Variants in ARID1B observed in about 807,000 individuals in gnomAD.
ARID1B encodes the protein AT-rich interactive domain-containing protein 1B.
ARID1B carries 30 observed loss-of-function variants against 212.3 expected under a neutral mutation model. The ratio of observed to expected loss-of-function variants is 0.14; its 90% confidence interval spans 0.11 to 0.19. The LOEUF (loss-of-function observed/expected upper bound fraction) is 0.19, where lower values mean the gene tolerates loss of function less well. Ranked by LOEUF, ARID1B falls within the 10% of genes least tolerant of loss-of-function variation. The pLI, the probability that ARID1B is intolerant of heterozygous loss-of-function variation, is 1.00. For synonymous variants in ARID1B, 1,402 were observed against 1,301.7 expected (o/e 1.08, Z -1.66); for missense variants, 2,891 against 3,204.0 (o/e 0.90, Z 2.36).
At chr6:156,837,061 T>G (rs1261975328) in intron 2 of ARID1B, among the ~76,000 whole-genome samples, 1 of 152,244 alleles carries the variant, frequency 6.6e-6, no homozygotes, top group East Asian at 1.9e-4. Context: ...TGACCCACAT[T>G]CTTTTTAAAA....
chr6:156,915,549 C>CA (rs1253639473), intron 3 of ARID1B, among the ~76,000 whole-genome samples: 1 of 148,992 alleles, frequency 6.7e-6, no homozygotes, highest in Non-Finnish European at 1.5e-5. Context: ...GCCTCGGTGA[C>CA]AGAGCAAGAC....
chr6:156,941,856 A>G (rs1792698435), intron 4 of ARID1B: 1 of 152,222 alleles, frequency 6.6e-6, no homozygotes, highest in Non-Finnish European at 1.5e-5. Context: ...AAAGAACTAT[A>G]GTTTGCTTTT....
At chr6:157,003,053 G>C (rs73578084) in intron 4 of ARID1B, among the ~76,000 whole-genome samples, 1 of 152,166 alleles carries the variant, frequency 6.6e-6, no homozygotes. Flanking sequence ...GTGGGAGGCC[G>C]GGAGGATGGT....
chr6:156,935,598 T>C, intron 4 of ARID1B, 22 bp downstream of exon 4: 1 of 1,572,598 alleles, frequency 6.4e-7, no homozygotes, highest in African/African-American at 1.4e-5. Flanking sequence ...TTGTGCTGAT[T>C]TGGAAATGTA....
chr6:157,178,446 C>A (rs148342183), intron 11 of ARID1B, among the ~76,000 whole-genome samples: 1 of 152,114 alleles, frequency 6.6e-6, no homozygotes, highest in Non-Finnish European at 1.5e-5. Flanking sequence ...TGACGTCGTG[C>A]TGCAAAGGAA....
intron 1 of ARID1B, among the ~76,000 whole-genome samples, chr6:156,820,919 C>T (rs184879049): frequency 4.6e-5 from 7 of 152,296 alleles, no homozygotes; most frequent in South Asian, 2.1e-4. Context: ...GCTTCCAGAA[C>T]GCTGATGCTT....
At chr6:157,022,078 G>T (rs1271466429) in intron 4 of ARID1B, among the ~76,000 whole-genome samples, 1 of 152,180 alleles carries the variant, frequency 6.6e-6, no homozygotes, top group African/African-American at 2.4e-5. Flanking sequence ...GGAAAAGCCA[G>T]GAACTACAGA....
At chr6:156,818,009 T>A (rs1314557176) in intron 1 of ARID1B, among the ~76,000 whole-genome samples, 2 of 152,078 alleles carry the variant, frequency 1.3e-5, no homozygotes, top group African/African-American at 4.8e-5. Context: ...TCTAATTTTG[T>A]CTGTTGTCCT....
intron 2 of ARID1B, among the ~76,000 whole-genome samples, chr6:156,866,568 G>T (rs1395396101): frequency 6.6e-6 from 1 of 152,112 alleles, no homozygotes; most frequent in East Asian, 1.9e-4. Context: ...AAAGCAAACA[G>T]TACTGCCATT....
At chr6:157,204,999 G>A (rs1327867787) in intron 19 of ARID1B, 1 of 152,162 alleles carries the variant, frequency 6.6e-6, no homozygotes, top group East Asian at 1.9e-4. Context: ...TACGAGTTCT[G>A]TGTTAACAGA....
chr6:156,833,601 C>G (rs1368448989), intron 2 of ARID1B, among the ~76,000 whole-genome samples: 1 of 151,988 alleles, frequency 6.6e-6, no homozygotes, highest in Non-Finnish European at 1.5e-5. Context: ...GAAAACATGA[C>G]TTTTTTAGTT....
chr6:156,934,757 A>G (rs987347820), intron 3 of ARID1B, among the ~76,000 whole-genome samples: 1 of 151,600 alleles, frequency 6.6e-6, no homozygotes, highest in Non-Finnish European at 1.5e-5. Context: ...TCAACAATCC[A>G]GGGAGCTTTT....
intron 4 of ARID1B, among the ~76,000 whole-genome samples, chr6:157,009,469 A>T (rs549776819): frequency 6.6e-6 from 1 of 152,334 alleles, no homozygotes; most frequent in South Asian, 2.1e-4. Flanking sequence ...TGGAAAGTAC[A>T]TTTCTCTTAG....
chr6:156,993,633 G>A lies in ARID1B; in HGVS notation c.2247+58057G>A, dbSNP rs549003286. Among the ~76,000 whole-genome samples, 47 of 152,202 alleles carry A rather than the reference G, an allele frequency of 3.1e-4. No individual in the cohort carries two copies. The South Asian group carries it at 9.7e-3, about 32-fold the overall frequency. The stretch of plus-strand genomic sequence containing the variant: ...CTGGCCATTGAAGTTATATACCTAA[G>A]GATAGTGCCAAACAACAATCCCAAC... On this transcript the variant is annotated intron_variant, in intron 4 of 19. Coordinates refer to ENST00000636930, the MANE Select transcript of ARID1B (RefSeq NM_001374828.1).
At chr6:157,204,091 A>G (rs1307903100) in intron 19 of ARID1B, 95 bp downstream of exon 19, 16 of 1,495,526 alleles carry the variant, frequency 1.1e-5, no homozygotes, top group Non-Finnish European at 1.5e-5. Context: ...GTTGATGAGC[A>G]CTGACCGTCC....
intron 4 of ARID1B, among the ~76,000 whole-genome samples, chr6:156,990,052 C>T (rs909340311): frequency 1.3e-5 from 2 of 152,072 alleles, no homozygotes; most frequent in African/African-American, 4.8e-5. Flanking sequence ...CACATGTTCT[C>T]TTACCGGACT....
intron 6 of ARID1B, among the ~76,000 whole-genome samples, chr6:157,123,625 T>C (rs1209994457): frequency 6.6e-6 from 1 of 152,218 alleles, no homozygotes; most frequent in Non-Finnish European, 1.5e-5. Flanking sequence ...TCCAAGGACT[T>C]GCAGCATTTT....
At chr6:157,041,265 T>C (rs1247201120) in intron 4 of ARID1B, among the ~76,000 whole-genome samples, 5 of 152,220 alleles carry the variant, frequency 3.3e-5, no homozygotes, top group Non-Finnish European at 7.3e-5. Context: ...CTGCTGTTGA[T>C]AATGGGATGA....
At chr6:156,971,994 G>C (rs887892056) in intron 4 of ARID1B, among the ~76,000 whole-genome samples, 6 of 152,316 alleles carry the variant, frequency 3.9e-5, no homozygotes, top group African/African-American at 1.4e-4. Flanking sequence ...CCAGAGCCAG[G>C]AATCCTGGGG....
Sources: gnomAD v4.1 joint callset for allele counts (sites outside exome capture counted in the v4.1 genomes callset) on GRCh38, gnomAD v4.1.1 for gene constraint, MANE v1.5 for transcripts, NCBI Gene and HGNC (gene_info 2026-07-23, HGNC 2026-07-21) for gene names.